Variants in VMA22 observed in about 807,000 individuals in gnomAD.
The protein encoded by VMA22 is vacuolar ATPase assembly protein VMA22.
the VMA22 span, chr2:130,342,233 G>A: frequency 3.2e-6 from 5 of 1,550,478 alleles, no homozygotes; most frequent in East Asian, 2.4e-5. Context: ...TTCCCATCTG[G>A]GGATCCCCAC....
chr2:130,342,435 GT>G, the VMA22 span: 1 of 559,948 alleles, frequency 1.8e-6, no homozygotes, highest in Non-Finnish European at 3.2e-6. Flanking sequence ...TCGCGCCACT[GT>G]TGTGGCGATG....
At chr2:130,339,287 G>A in the VMA22 span, 7 of 1,493,160 alleles carry the variant, frequency 4.7e-6, no homozygotes, top group East Asian at 7.0e-5. Context: ...ACACGACCCA[G>A]GAGGATCTGG....
the VMA22 span, chr2:130,341,207 C>T: frequency 2.7e-6 from 2 of 734,112 alleles, no homozygotes; most frequent in Admixed American, 3.0e-5. Context: ...ACAGCCTTTC[C>T]CCTTGTGATT....
At chr2:130,342,298 G>T in the VMA22 span, 1 of 1,296,768 alleles carries the variant, frequency 7.7e-7, no homozygotes. Context: ...CGCCCTTAGA[G>T]AAGCAGCACG....
chr2:130,340,829 G>C, the VMA22 span: 1 of 1,550,656 alleles, frequency 6.4e-7, no homozygotes. Context: ...ACTAACCCCA[G>C]CCATGGCAGC....
At chr2:130,340,473 C>T in the VMA22 span, 3 of 254,438 alleles carry the variant, frequency 1.2e-5, no homozygotes, top group South Asian at 1.1e-4. Context: ...GGCTTTTGTC[C>T]TGGCTGGTTC....
the VMA22 span, chr2:130,338,503 T>TTTGTTTTTTTG: frequency 1.3e-5 from 2 of 152,128 alleles, no homozygotes; most frequent in African/African-American, 4.8e-5. Flanking sequence ...CAAGTGGCCC[T>TTTGTTTTTTTG]TCAAAAAAAT....
chr2:130,339,486 T>G, the VMA22 span: 1 of 1,364,252 alleles, frequency 7.3e-7, no homozygotes, highest in African/African-American at 1.5e-5. Flanking sequence ...AACTAAAAAT[T>G]CACAGATAGT....
the VMA22 span, chr2:130,341,063 G>A: frequency 1.9e-6 from 3 of 1,575,214 alleles, no homozygotes; most frequent in Non-Finnish European, 1.7e-6. Flanking sequence ...GGTTGGAGGA[G>A]GCTGGGATCT....
At chr2:130,338,976 G>A in the VMA22 span, 1 of 628,526 alleles carries the variant, frequency 1.6e-6, no homozygotes, top group Non-Finnish European at 2.8e-6. Flanking sequence ...TAAGGAAAAT[G>A]GAAACATGCA....
At chr2:130,341,077 T>TC in the VMA22 span, 1 of 1,540,136 alleles carries the variant, frequency 6.5e-7, no homozygotes, top group East Asian at 2.3e-5. Context: ...GGGATCTTAC[T>TC]CCCTGACCTT....
At chr2:130,339,155 C>T in the VMA22 span, 1 of 1,614,162 alleles carries the variant, frequency 6.2e-7, no homozygotes, top group Non-Finnish European at 8.5e-7. Flanking sequence ...TTGAGTTTCT[C>T]TTGGAGTCCC....
the VMA22 span, chr2:130,339,027 G>T: frequency 1.1e-6 from 1 of 893,776 alleles, no homozygotes; most frequent in Non-Finnish European, 1.8e-6. Context: ...CGTGGGGTAG[G>T]GGCAAGAGCT....
At chr2:130,340,761 AAAT>A in the VMA22 span, 1 of 932,228 alleles carries the variant, frequency 1.1e-6, no homozygotes. Context: ...CTTTTGGAAA[AAAT>A]AATGGGTGTA....
chr2:130,338,921 G>C, the VMA22 span: 2 of 576,044 alleles, frequency 3.5e-6, no homozygotes, highest in Non-Finnish European at 6.2e-6. Flanking sequence ...TGGTTTCAAA[G>C]TAGTGGCTTT....
At chr2:130,339,157 T>C in the VMA22 span, 1 of 1,614,152 alleles carries the variant, frequency 6.2e-7, no homozygotes, top group South Asian at 1.1e-5. Flanking sequence ...GAGTTTCTCT[T>C]GGAGTCCCCG....
At chr2:130,338,353 G>C in the VMA22 span, 4 of 152,122 alleles carry the variant, frequency 2.6e-5, no homozygotes, top group African/African-American at 9.7e-5. Flanking sequence ...TAAGCAAAAA[G>C]ATAAACTGGA....
At chr2:130,340,942 G>A in the VMA22 span, 4 of 1,613,990 alleles carry the variant, frequency 2.5e-6, no homozygotes, top group South Asian at 3.3e-5. Flanking sequence ...GACGTAGACT[G>A]TGAGGAACTA....
the VMA22 span, chr2:130,341,869 T>G: frequency 7.0e-7 from 1 of 1,434,878 alleles, no homozygotes; most frequent in South Asian, 1.1e-5. Flanking sequence ...TGGGGCTCCA[T>G]GTGGGAAGCA....
Sources: allele counts gnomAD v4.1 joint callset, GRCh38; gene constraint gnomAD v4.1.1; transcripts MANE v1.5; gene names NCBI Gene and HGNC (gene_info 2026-07-23, HGNC 2026-07-21).